Variants in PHF24 observed in about 807,000 individuals in gnomAD.
The protein encoded by PHF24 is Galpha inhibitory interacting protein.
In PHF24, 25 loss-of-function variants were observed where a neutral mutation model predicts 42.6. The ratio of observed to expected loss-of-function variants is 0.59; its 90% CI spans 0.43 to 0.82. The LOEUF is 0.82. Ranked by LOEUF, PHF24 falls within the 40% of genes least tolerant of loss-of-function variation. The pLI, the probability that PHF24 is intolerant of heterozygous loss-of-function variation, is 0.00. For missense variants in PHF24, 470 were observed against 538.1 expected (o/e 0.87, Z 1.25); for synonymous variants, 185 against 204.8 (o/e 0.90, Z 0.83).
chr9:34,797,585 T>C, the PHF24 span, among the ~76,000 whole-genome samples: 1 of 152,154 alleles, frequency 6.6e-6, no homozygotes, highest in Non-Finnish European at 1.5e-5. Flanking sequence ...TATCCTGCGG[T>C]GTGCCGGTCT....
the PHF24 span, among the ~76,000 whole-genome samples, chr9:34,743,381 C>A: frequency 6.6e-6 from 1 of 152,232 alleles, no homozygotes; most frequent in Non-Finnish European, 1.5e-5. Flanking sequence ...AAAGGGTTAA[C>A]CCCTCTAGAG....
chr9:34,875,946 ACACACTCTCTCTCT>A, the PHF24 span, among the ~76,000 whole-genome samples: 21 of 89,080 alleles, frequency 2.4e-4, no homozygotes, highest in South Asian at 1.2e-3. Flanking sequence ...ACACACACAC[ACACACTCTCTCTCT>A]CTCTCTCTCT....
At chr9:34,832,704 G>T in the PHF24 span, 58 of 1,544,036 alleles carry the variant, frequency 3.8e-5, no homozygotes, top group African/African-American at 6.7e-4. Context: ...CTTCTTTTGA[G>T]TATGGGCTGG....
chr9:34,891,059 G>C, the PHF24 span, among the ~76,000 whole-genome samples: 1 of 152,170 alleles, frequency 6.6e-6, no homozygotes, highest in Non-Finnish European at 1.5e-5. Context: ...ACATAATAGA[G>C]AGCAGGCAGC....
At chr9:34,973,943 C>CA (rs1827097418) in intron 3 of PHF24, among the ~76,000 whole-genome samples, 1 of 152,332 alleles carries the variant, frequency 6.6e-6, no homozygotes, top group East Asian at 1.9e-4. Flanking sequence ...GGGCTTTTTA[C>CA]AGAGCCTCCT....
At chr9:34,699,886 G>A in the PHF24 span, among the ~76,000 whole-genome samples, 1 of 152,218 alleles carries the variant, frequency 6.6e-6, no homozygotes, top group Non-Finnish European at 1.5e-5. Context: ...TACTATCTCA[G>A]ATGGCAATAA....
the PHF24 span, among the ~76,000 whole-genome samples, chr9:34,818,091 C>T: frequency 1.3e-5 from 2 of 152,150 alleles, no homozygotes; most frequent in African/African-American, 2.4e-5. Flanking sequence ...ATCTTTTTAT[C>T]TGTGAGACTG....
At chr9:34,858,955 GT>G in the PHF24 span, among the ~76,000 whole-genome samples, 3 of 152,170 alleles carry the variant, frequency 2.0e-5, no homozygotes, top group Admixed American at 1.3e-4. Context: ...TGTCAGGGAA[GT>G]TCTTTACTAA....
At chr9:34,853,412 C>T in the PHF24 span, among the ~76,000 whole-genome samples, 1 of 151,966 alleles carries the variant, frequency 6.6e-6, no homozygotes, top group African/African-American at 2.4e-5. Context: ...GGGATATTGG[C>T]CTAAAGTTTT....
chr9:34,722,646 G>A, the PHF24 span, among the ~76,000 whole-genome samples: 6 of 152,274 alleles, frequency 3.9e-5, no homozygotes, highest in African/African-American at 1.4e-4. Context: ...GCTTCTCAAA[G>A]TAATTTTTAT....
the PHF24 span, among the ~76,000 whole-genome samples, chr9:34,788,013 C>G: frequency 6.6e-6 from 1 of 152,062 alleles, no homozygotes; most frequent in South Asian, 2.1e-4. Flanking sequence ...CACCCCAAAT[C>G]CCATCACTCA....
the PHF24 span, among the ~76,000 whole-genome samples, chr9:34,785,528 GAAGAATAACCT>G: frequency 6.6e-6 from 1 of 152,186 alleles, no homozygotes; most frequent in Admixed American, 6.5e-5. Flanking sequence ...CTGTGTAACT[GAAGAATAACCT>G]AAGAATGCAA....
chr9:34,737,994 C>T, the PHF24 span, among the ~76,000 whole-genome samples: 1 of 149,756 alleles, frequency 6.7e-6, no homozygotes, highest in East Asian at 2.0e-4. Flanking sequence ...GCCCTTGAAT[C>T]CCTGAGTAGC....
chr9:34,678,791 C>T, the PHF24 span, among the ~76,000 whole-genome samples: 2 of 151,988 alleles, frequency 1.3e-5, no homozygotes, highest in Non-Finnish European at 1.5e-5. Context: ...CTACCATGCC[C>T]GGCTAATTTT....
chr9:34,961,064 A>G (rs1212039862), intron 1 of PHF24, among the ~76,000 whole-genome samples: 1 of 152,128 alleles, frequency 6.6e-6, no homozygotes, highest in Non-Finnish European at 1.5e-5. Flanking sequence ...TTCCTTCAAC[A>G]TGGATAGTAA....
the PHF24 span, among the ~76,000 whole-genome samples, chr9:34,788,870 G>A: frequency 1.3e-5 from 2 of 152,114 alleles, no homozygotes; most frequent in Non-Finnish European, 2.9e-5. Context: ...CCCAGTAATC[G>A]CTCACTCTGC....
At chr9:34,819,119 C>T in the PHF24 span, among the ~76,000 whole-genome samples, 1 of 151,970 alleles carries the variant, frequency 6.6e-6, no homozygotes, top group African/African-American at 2.4e-5. Context: ...CATTGTAATA[C>T]CTGTAGACTG....
chr9:34,857,977 T>G, the PHF24 span, among the ~76,000 whole-genome samples: 1 of 151,118 alleles, frequency 6.6e-6, no homozygotes, highest in African/African-American at 2.4e-5. Context: ...CTCTGGTTTT[T>G]TTTTTTTTTT....
chr9:34,851,874 C>A, the PHF24 span, among the ~76,000 whole-genome samples: 2 of 152,166 alleles, frequency 1.3e-5, no homozygotes, highest in African/African-American at 4.8e-5. Context: ...AACTTTCATA[C>A]TAAGGATATA....
Sources: allele counts gnomAD v4.1 joint callset (sites outside exome capture counted in the v4.1 genomes callset), GRCh38; gene constraint gnomAD v4.1.1; transcripts MANE v1.5; gene names NCBI Gene and HGNC (gene_info 2026-07-23, HGNC 2026-07-21).